Variants in UTRN observed in about 807,000 individuals in gnomAD.
UTRN encodes dystrophin-related protein 1.
In UTRN, 283 loss-of-function variants were observed where a neutral mutation model predicts 463.9. The ratio of observed to expected loss-of-function variants is 0.61; its 90% CI spans 0.55 to 0.67. The LOEUF (loss-of-function observed/expected upper bound fraction) is 0.67, where lower values mean the gene tolerates loss of function less well. Among genes scored for constraint, UTRN ranks in the 30% least tolerant of loss-of-function variants. The pLI is 0.00. For synonymous variants in UTRN, 1,442 were observed against 1,431.5 expected (o/e 1.01, Z -0.17); for missense variants, 3,922 against 4,084.3 (o/e 0.96, Z 1.08).
chr6:144,455,286 C>A (rs748525883), intron 19 of UTRN, among the ~76,000 whole-genome samples: 1 of 152,074 alleles, frequency 6.6e-6, no homozygotes, highest in South Asian at 2.1e-4. Flanking sequence ...TTTCAAAATC[C>A]ATTCTAGCAG....
At chr6:144,802,316 C>T (rs1050408645) in intron 64 of UTRN, among the ~76,000 whole-genome samples, 1 of 152,152 alleles carries the variant, frequency 6.6e-6, no homozygotes, top group South Asian at 2.1e-4. Context: ...AGAAGCTACT[C>T]AGTACTTAGT....
chr6:144,338,756 CTG>C (rs1050548910), intron 2 of UTRN, among the ~76,000 whole-genome samples: 1 of 152,118 alleles, frequency 6.6e-6, no homozygotes, highest in Non-Finnish European at 1.5e-5. Context: ...ATGGATGAAA[CTG>C]TGGATTTCGT....
At chr6:144,821,862 G>A (rs1208530277) in intron 66 of UTRN, among the ~76,000 whole-genome samples, 1 of 151,978 alleles carries the variant, frequency 6.6e-6, no homozygotes, top group Non-Finnish European at 1.5e-5. Context: ...TGAATCTTGG[G>A]GAAAATGAAC....
intron 2 of UTRN, among the ~76,000 whole-genome samples, chr6:144,349,964 C>T (rs1175969911): frequency 6.6e-6 from 1 of 152,164 alleles, no homozygotes; most frequent in Non-Finnish European, 1.5e-5. Context: ...TTTTTTCCCA[C>T]TGAACTAGAC....
chr6:144,834,460 A>G (rs185262876), intron 69 of UTRN, among the ~76,000 whole-genome samples: 91 of 152,318 alleles, frequency 6.0e-4, no homozygotes, highest in South Asian at 4.6e-3. Flanking sequence ...CAATTGCTTC[A>G]TCTAGCTCTC....
intron 51 of UTRN, among the ~76,000 whole-genome samples, chr6:144,591,253 C>A (rs914487720): frequency 2.6e-5 from 4 of 152,172 alleles, no homozygotes; most frequent in Non-Finnish European, 5.9e-5. Flanking sequence ...ACCCTGGTCA[C>A]CCCACTGCGA....
chr6:144,735,225 A>G lies in UTRN; in HGVS notation c.7939+4739A>G, dbSNP rs9376846. 1.8e-3 allele frequency among the ~76,000 whole-genome samples: 267 copies of G among 152,306 alleles called. 4 individuals carry two copies. In the East Asian group the frequency reaches 0.041, roughly 23 times the overall value. The stretch of plus-strand genomic sequence containing the variant: ...GGATTCTAAGTGATGCGGGCATTCC[A>G]GGAGAGAAGGACTCTGAGGGTCAGA... On this transcript the variant is annotated intron_variant, in intron 54 of 74. Transcript: ENST00000367545.
intron 54 of UTRN, among the ~76,000 whole-genome samples, chr6:144,744,799 C>G (rs1021253842): frequency 6.6e-6 from 1 of 152,196 alleles, no homozygotes; most frequent in South Asian, 2.1e-4. Flanking sequence ...AGATTACCCT[C>G]TTATCACTGA....
intron 51 of UTRN, among the ~76,000 whole-genome samples, chr6:144,650,184 GA>G (rs1432210271): frequency 1.3e-5 from 2 of 152,078 alleles, no homozygotes; most frequent in Non-Finnish European, 2.9e-5. Flanking sequence ...TCACTATCAG[GA>G]GAACAGCATG....
chr6:144,456,751 G>A (rs867941802), intron 19 of UTRN, among the ~76,000 whole-genome samples: 9 of 151,366 alleles, frequency 5.9e-5, no homozygotes, highest in South Asian at 2.1e-4. Context: ...GGTTTTCTTC[G>A]TTTAGCTTAT....
intron 50 of UTRN, among the ~76,000 whole-genome samples, chr6:144,561,260 T>TAC (rs202040917): frequency 2.5e-4 from 18 of 72,820 alleles, no homozygotes; most frequent in South Asian, 4.0e-4. Flanking sequence ...TATATATATA[T>TAC]ACATACACAC....
chr6:144,772,627 C>A (rs868734106), intron 59 of UTRN, among the ~76,000 whole-genome samples: 1 of 152,156 alleles, frequency 6.6e-6, no homozygotes, highest in Non-Finnish European at 1.5e-5. Context: ...CAACTTTAAT[C>A]CACTGCCTTA....
At chr6:144,628,091 G>A (rs147508728) in intron 51 of UTRN, among the ~76,000 whole-genome samples, 4 of 152,200 alleles carry the variant, frequency 2.6e-5, no homozygotes, top group African/African-American at 9.6e-5. Context: ...GAGTCACCTT[G>A]CCTGGCCAAT....
At chr6:144,842,444 A>T (rs1240707198) in intron 73 of UTRN, among the ~76,000 whole-genome samples, 1 of 151,856 alleles carries the variant, frequency 6.6e-6, no homozygotes, top group African/African-American at 2.4e-5. Context: ...TTTTCCAGGT[A>T]TGGTGGCACA....
chr6:144,447,424 C>A, intron 15 of UTRN, 106 bp downstream of exon 15: 1 of 1,315,584 alleles, frequency 7.6e-7, no homozygotes, highest in Non-Finnish European at 1.1e-6. Context: ...AGCTCATTAC[C>A]TAGCATTAGA....
At chr6:144,710,468 C>T (rs1019621255) in intron 53 of UTRN, among the ~76,000 whole-genome samples, 1 of 152,186 alleles carries the variant, frequency 6.6e-6, no homozygotes, top group East Asian at 1.9e-4. Flanking sequence ...CCTTTCCTTC[C>T]GTAGTGTAAA....
chr6:144,815,005 G>C (rs144477224), intron 65 of UTRN, among the ~76,000 whole-genome samples: 1 of 152,160 alleles, frequency 6.6e-6, no homozygotes, highest in Non-Finnish European at 1.5e-5. Flanking sequence ...CACTGAAAAG[G>C]CCTAAAAGGT....
intron 51 of UTRN, among the ~76,000 whole-genome samples, chr6:144,676,780 T>A (rs1781644985): frequency 6.6e-6 from 1 of 152,198 alleles, no homozygotes. Flanking sequence ...TTTTAACATT[T>A]TAGAAATAAA....
intron 32 of UTRN, among the ~76,000 whole-genome samples, 154 bp from the exon 33 acceptor site, chr6:144,493,147 C>A (rs1414468513): frequency 6.6e-6 from 1 of 152,202 alleles, no homozygotes; most frequent in Admixed American, 6.5e-5. Flanking sequence ...TCATTTGACT[C>A]GACCTTCAGA....
Sources: allele counts gnomAD v4.1 joint callset (sites outside exome capture counted in the v4.1 genomes callset), GRCh38; gene constraint gnomAD v4.1.1; transcripts MANE v1.5; gene names NCBI Gene and HGNC (gene_info 2026-07-23, HGNC 2026-07-21).